The following TNFRSF11A variants were observed in gnomAD, a reference collection of about 807,000 sequenced individuals.
The protein encoded by TNFRSF11A is TNF receptor superfamily member 11a, also known as tumor necrosis factor receptor superfamily member 11A.
Under a neutral mutation model 55.7 loss-of-function variants are expected in TNFRSF11A, and 32 were observed. That is an observed-to-expected ratio of 0.57 (90% CI 0.43 to 0.77). The LOEUF is 0.77. Ranked by LOEUF, TNFRSF11A falls within the 30% of genes least tolerant of loss-of-function variation. The pLI is 0.00. For missense variants in TNFRSF11A, 753 were observed against 809.8 expected, an observed-to-expected ratio of 0.93 and a Z score of 0.85; for synonymous variants, 311 against 331.0, an observed-to-expected ratio of 0.94 and a Z score of 0.65.
chr18:62,356,645 T>G (rs1909282279), intron 4 of TNFRSF11A, among the ~76,000 whole-genome samples: 1 of 152,230 alleles, frequency 6.6e-6, no homozygotes. Context: ...CTGCCCCATT[T>G]CTATCATCCT....
chr18:62,361,055 T>C (rs1909649538), intron 6 of TNFRSF11A, among the ~76,000 whole-genome samples: 1 of 152,076 alleles, frequency 6.6e-6, no homozygotes, highest in Non-Finnish European at 1.5e-5. Context: ...CAGATAACAT[T>C]AAATATAACT....
chr18:62,342,124 G>T (rs1225675046), intron 1 of TNFRSF11A, among the ~76,000 whole-genome samples: 1 of 150,386 alleles, frequency 6.6e-6, no homozygotes. Flanking sequence ...GTGCAGACTG[G>T]GTGTGGTGTC....
At chr18:62,384,046 AACACACACAC>A (rs58712892) in intron 9 of TNFRSF11A, among the ~76,000 whole-genome samples, 2 of 146,046 alleles carry the variant, frequency 1.4e-5, no homozygotes, top group Non-Finnish European at 3.0e-5. Context: ...TTCTGTGTTG[AACACACACAC>A]ACACACACAC....
intron 5 of TNFRSF11A, among the ~76,000 whole-genome samples, chr18:62,359,266 T>C (rs1909494902): frequency 6.6e-6 from 1 of 152,210 alleles, no homozygotes; most frequent in African/African-American, 2.4e-5. Flanking sequence ...AAATAAATGT[T>C]TATTTTCTGA....
At chr18:62,348,991 A>G (rs1456023559) in intron 2 of TNFRSF11A, among the ~76,000 whole-genome samples, 2 of 152,118 alleles carry the variant, frequency 1.3e-5, no homozygotes, top group African/African-American at 4.8e-5. Flanking sequence ...AGCCGGTAGT[A>G]AGTGTAGAGG....
intron 1 of TNFRSF11A, among the ~76,000 whole-genome samples, chr18:62,331,585 G>A (rs1379930340): frequency 1.3e-5 from 2 of 152,186 alleles, no homozygotes; most frequent in Admixed American, 6.5e-5. Context: ...GAGAAGTTCA[G>A]CGTAGAGACA....
chr18:62,379,320 TG>T (rs1911108249), intron 9 of TNFRSF11A, among the ~76,000 whole-genome samples: 6 of 152,356 alleles, frequency 3.9e-5, no homozygotes, highest in Admixed American at 1.3e-4. Context: ...TCACAACTCT[TG>T]GGTCACTCTG....
chr18:62,343,025 G>A (rs2046335269), intron 1 of TNFRSF11A, among the ~76,000 whole-genome samples: 1 of 152,182 alleles, frequency 6.6e-6, no homozygotes, highest in African/African-American at 2.4e-5. Flanking sequence ...GTTCTGGGTA[G>A]GATCAGTTTC....
intron 1 of TNFRSF11A, among the ~76,000 whole-genome samples, chr18:62,347,915 A>C (rs2046407684): frequency 6.7e-6 from 1 of 148,398 alleles, no homozygotes. Context: ...AAAAAAAAAC[A>C]AAAAAACAAA....
rs372801479 is a variant in TNFRSF11A, at chr18:62,380,715, C to T, written c.1568-4036C>T. Among the ~76,000 whole-genome samples, 27 of 152,144 alleles carry T rather than the reference C, an allele frequency of 1.8e-4. No individual in the cohort carries two copies. The East Asian group carries it at 2.5e-3, about 14-fold the overall frequency. ...CCTCCCAAAGTACTGGGATTACAGG[C>T]GTGAGCCACTGCGCCCAGCCAATGG... On this transcript the variant is annotated intron_variant, in intron 9 of 9. Coordinates refer to ENST00000586569, the MANE Select transcript of TNFRSF11A (RefSeq NM_003839.4).
At chr18:62,340,469 A>G (rs1284802080) in intron 1 of TNFRSF11A, among the ~76,000 whole-genome samples, 1 of 151,256 alleles carries the variant, frequency 6.6e-6, no homozygotes, top group Non-Finnish European at 1.5e-5. Flanking sequence ...TGCTGGGGTT[A>G]CAGGCGTGAG....
rs1911589625 is a variant in TNFRSF11A, at chr18:62,384,906, C to G, written c.1723C>G (p.Leu575Val). Residue 575 changes from leucine to valine, a missense_variant, in exon 10 of 10, where the codon CTG becomes GTG. Transcript: ENST00000586569. Reference protein sequence around the residue: ...PMGRPVQEETLARRDSFAGNG... With the variant: ...PMGRPVQEETVARRDSFAGNG... ...GGGCCGCCCGGTGCAGGAGGAGACC[C>G]TGGCGCGCCGAGACTCCTTCGCGGG... 2 of 1,571,806 alleles carry G rather than the reference C, an allele frequency of 1.3e-6. No individual in the cohort carries two copies. The highest frequency in any genetic ancestry group is 2.3e-5 in the South Asian group (2 of 86,214).
rs1234190687 is a variant in TNFRSF11A, at chr18:62,361,821, A to G, written c.730+28A>G. ...ATTGTGTCTATGGTGGTTTTTGCAAACCAATCTTAAAAGATAGATTTCTAG... is the reference window on the plus strand; with the variant it reads ...ATTGTGTCTATGGTGGTTTTTGCAAGCCAATCTTAAAAGATAGATTTCTAG... On this transcript the variant is annotated intron_variant, in intron 7 of 9. Transcript: ENST00000586569. The G allele has an allele frequency of 1.9e-6, 3 of 1,573,082 alleles. No homozygotes were observed. The African/African-American group carries it at 4.1e-5, about 21-fold the overall frequency.
chr18:62,358,876 T>C (rs2145322381), intron 5 of TNFRSF11A, among the ~76,000 whole-genome samples: 1 of 152,356 alleles, frequency 6.6e-6, no homozygotes, highest in East Asian at 1.9e-4. Flanking sequence ...GTACTGTAAG[T>C]TATGTAATAA....
In TNFRSF11A at chr18:62,388,916, TATACAA is replaced by T. The variant is rs1294198626; in HGVS notation, c.*3883_*3888del. 1.3e-5 allele frequency: 2 copies of T among 152,208 alleles called. No homozygotes were observed. Among genetic ancestry groups the T allele is most frequent in the African/African-American group, 4.8e-5 (2 of 41,444 alleles). The allele number at this position is 152,208 out of a possible 1,614,324, so 9.4% of individuals were successfully genotyped here. ...TCAACAAACAAACTCTTGTTACGATTATACAAGGGTGAGCTTGAGCAAAGGTGCTGT... is the reference window on the plus strand; with the variant it reads ...TCAACAAACAAACTCTTGTTACGATTGGGTGAGCTTGAGCAAAGGTGCTGT... On this transcript the variant is annotated 3_prime_UTR_variant, in exon 10 of 10. Coordinates refer to ENST00000586569, the MANE Select transcript of TNFRSF11A (RefSeq NM_003839.4).
chr18:62,359,929 G>A (rs905331891), intron 5 of TNFRSF11A, 26 bp from the exon 6 acceptor site: 10 of 1,600,530 alleles, frequency 6.2e-6, no homozygotes, highest in Non-Finnish European at 7.7e-6. Context: ...TAAAACCAAA[G>A]CACTGAACCA....
At chr18:62,364,474 G>A (rs986476292) in intron 7 of TNFRSF11A, among the ~76,000 whole-genome samples, 5 of 152,108 alleles carry the variant, frequency 3.3e-5, no homozygotes, top group South Asian at 2.1e-4. Flanking sequence ...AGATGCAGGC[G>A]CACCAGTTAG....
Position 62,361,748 on chromosome 18 carries a change from A to G in TNFRSF11A, c.685A>G (p.Ile229Val). Reference sequence around the variant, plus strand: ...CGCGTCTGTGGCCCTGGTGGCTGCCATCATCTTTGGCGTTTGCTATAGGAA... The same window carrying G: ...CGCGTCTGTGGCCCTGGTGGCTGCCGTCATCTTTGGCGTTTGCTATAGGAA... The part of the protein sequence containing the change: ...LFASVALVAA[I>V]IFGVCYRKKG... The change falls in exon 7 of 10, where the codon ATC (isoleucine) becomes GTC (valine). Residue 229 changes from isoleucine (I) to valine (V), a missense_variant. Physicochemically the swap from Ile to Val is conservative, Grantham distance 29 (BLOSUM62 3). This residue lies in a region of TNFRSF11A where 567 missense variants were observed against 596.7 expected (regional missense o/e 0.95). Transcript: ENST00000586569. The G allele has an allele frequency of 6.2e-7, 1 of 1,614,170 alleles. No homozygotes were observed. Among genetic ancestry groups the G allele is most frequent in the South Asian group, 1.1e-5 (1 of 91,078 alleles).
At position 62,380,302 on chromosome 18, in the gene TNFRSF11A, A is replaced by G. The variant is rs1222037120; in HGVS notation, c.1568-4449A>G. 3.9e-5 allele frequency among the ~76,000 whole-genome samples: 6 copies of G among 152,238 alleles called. No individual in the cohort carries two copies. In the East Asian group the frequency reaches 1.2e-3, roughly 29 times the overall value. ...CTATATCTCACAAGAGTCACCATGC[A>G]TGGATAGACTTGACCAATGGTTGTT... On this transcript the variant is annotated intron_variant, in intron 9 of 9. Coordinates refer to ENST00000586569, the MANE Select transcript of TNFRSF11A (RefSeq NM_003839.4).
Sources: gnomAD v4.1 joint callset for allele counts (sites outside exome capture counted in the v4.1 genomes callset) on GRCh38, gnomAD v4.1.1 for gene constraint, gnomAD v4.1.1 regional missense constraint, MANE v1.5 for transcripts, NCBI Gene and HGNC (gene_info 2026-07-23, HGNC 2026-07-21) for gene names.